Variants in C3orf49 observed in about 807,000 individuals in gnomAD.
The protein encoded by C3orf49 is putative uncharacterized protein C3orf49.
C3orf49 carries 27 observed loss-of-function variants against 13.3 expected under a neutral mutation model. The observed-to-expected ratio is 2.02, with a 90% CI of 1.49 to 2.79. C3orf49 has a LOEUF of 2.79. Ranked by LOEUF, C3orf49 falls within the 30% of genes most tolerant of loss-of-function variation. C3orf49 has a pLI of 0.00. For missense variants in C3orf49, 242 were observed against 134.2 expected, an observed-to-expected ratio of 1.80 and a Z score of -3.97; for synonymous variants, 87 against 47.6, an observed-to-expected ratio of 1.83 and a Z score of -3.40.
the C3orf49 span, among the ~76,000 whole-genome samples, chr3:63,794,505 G>A: frequency 6.6e-6 from 1 of 151,880 alleles, no homozygotes; most frequent in Non-Finnish European, 1.5e-5. Flanking sequence ...TCCCTGCTCT[G>A]CTTTTTAGGA....
chr3:63,838,271 T>C, intron 5 of C3orf49: 1 of 967,718 alleles, frequency 1.0e-6, no homozygotes, highest in Non-Finnish European at 1.5e-6. Flanking sequence ...AATACAGTAA[T>C]TGTTATTATT....
chr3:63,819,845 A>C (rs1468140834), intron 1 of C3orf49, among the ~76,000 whole-genome samples: 2 of 152,190 alleles, frequency 1.3e-5, no homozygotes, highest in Admixed American at 6.5e-5. Flanking sequence ...AGGAGACTAA[A>C]ATAAGTTCTG....
At chr3:63,787,170 C>A in the C3orf49 span, 1 of 152,170 alleles carries the variant, frequency 6.6e-6, no homozygotes, top group Admixed American at 6.5e-5. Flanking sequence ...TCATACCATC[C>A]ATTTCCATAT....
intron 5 of C3orf49, among the ~76,000 whole-genome samples, chr3:63,840,824 T>G (rs376490713): frequency 6.6e-6 from 1 of 152,230 alleles, no homozygotes; most frequent in Non-Finnish European, 1.5e-5. Flanking sequence ...AAAACTGCAC[T>G]TTTATACACT....
chr3:63,784,745 C>T, the C3orf49 span: 1 of 152,158 alleles, frequency 6.6e-6, no homozygotes, highest in African/African-American at 2.4e-5. Flanking sequence ...AATCTCCCAG[C>T]TACTCAGGAG....
At chr3:63,823,798 GTGT>G (rs1444390482) in intron 2 of C3orf49, among the ~76,000 whole-genome samples, 1 of 149,080 alleles carries the variant, frequency 6.7e-6, no homozygotes, top group Non-Finnish European at 1.5e-5. Flanking sequence ...GTGTGTGTGT[GTGT>G]GTGTGTGTGT....
chr3:63,785,438 G>C, the C3orf49 span, among the ~76,000 whole-genome samples: 1 of 151,986 alleles, frequency 6.6e-6, no homozygotes, highest in Non-Finnish European at 1.5e-5. Flanking sequence ...TTTCATAATA[G>C]AAAAGAATAT....
Position 63,848,571 on chromosome 3 carries a change from T to A in C3orf49, c.*238T>A, listed in dbSNP as rs541698895. The A allele has an allele frequency of 1.3e-5, 2 of 152,354 alleles. No individual in the cohort carries two copies. The highest frequency in any genetic ancestry group is 3.9e-4 in the East Asian group (2 of 5,180). The allele number at this position is 152,354 out of a possible 1,614,324, so 9.4% of individuals were successfully genotyped here. On this transcript the variant is annotated 3_prime_UTR_variant, in exon 7 of 7. Transcript: ENST00000295896. ...CTGTAATTCAACCACCTTCGGCACATCTCAGGACCTCCTGATGCTGTGGCA... is the reference window on the plus strand; with the variant it reads ...CTGTAATTCAACCACCTTCGGCACAACTCAGGACCTCCTGATGCTGTGGCA...
chr3:63,780,986 T>G, the C3orf49 span, among the ~76,000 whole-genome samples: 2 of 151,690 alleles, frequency 1.3e-5, no homozygotes, highest in Non-Finnish European at 2.9e-5. Context: ...AGAAGCTCTT[T>G]AGTTTAATTA....
chr3:63,824,747 G>A lies in C3orf49; in HGVS notation c.445+1178G>A, dbSNP rs148595798. 6.8e-5 allele frequency among the ~76,000 whole-genome samples: 10 copies of A among 146,986 alleles called. No homozygotes were observed. The East Asian group carries it at 1.6e-3, about 24-fold the overall frequency. On this transcript the variant is annotated intron_variant, in intron 2 of 6. Transcript: ENST00000295896. ...CCCTACTAGGGAAGCTGAAGTGGGC[G>A]AATCGCTTGAATCTGGGAGTCGGAG...
At chr3:63,846,248 A>C (rs1701892204) in intron 6 of C3orf49, 1 of 447,890 alleles carries the variant, frequency 2.2e-6, no homozygotes, top group South Asian at 1.6e-5. Context: ...GTTTCCTTAT[A>C]AGAGAATCGT....
chr3:63,805,701 A>G, the C3orf49 span, among the ~76,000 whole-genome samples: 1 of 152,220 alleles, frequency 6.6e-6, no homozygotes, highest in Non-Finnish European at 1.5e-5. Context: ...ATCTTATAAA[A>G]CGAGCAGTAA....
At chr3:63,787,347 C>G in the C3orf49 span, 2 of 152,062 alleles carry the variant, frequency 1.3e-5, no homozygotes, top group Non-Finnish European at 2.9e-5. Flanking sequence ...GTTAAATTAC[C>G]TGAGAGCACT....
the C3orf49 span, among the ~76,000 whole-genome samples, chr3:63,793,935 G>A: frequency 4.6e-5 from 7 of 152,158 alleles, no homozygotes; most frequent in Middle Eastern, 0.01. Flanking sequence ...CAGGACAATC[G>A]CTTGAGCCCA....
At chr3:63,781,420 A>G in the C3orf49 span, among the ~76,000 whole-genome samples, 5 of 152,080 alleles carry the variant, frequency 3.3e-5, no homozygotes, top group Middle Eastern at 3.2e-3. Context: ...AAGTCAGGTA[A>G]CGTGATGCCT....
At chr3:63,789,915 C>T in the C3orf49 span, among the ~76,000 whole-genome samples, 3 of 151,604 alleles carry the variant, frequency 2.0e-5, no homozygotes, top group Non-Finnish European at 4.4e-5. Flanking sequence ...CTTTCCTCCA[C>T]AGTATATTAG....
the C3orf49 span, among the ~76,000 whole-genome samples, chr3:63,786,508 G>C: frequency 6.6e-6 from 1 of 152,146 alleles, no homozygotes; most frequent in African/African-American, 2.4e-5. Context: ...TTGTTTGCTT[G>C]TTGATGGAAA....
At chr3:63,809,075 A>G in the C3orf49 span, among the ~76,000 whole-genome samples, 2 of 152,188 alleles carry the variant, frequency 1.3e-5, no homozygotes, top group South Asian at 2.1e-4. Flanking sequence ...TATTTTCACC[A>G]TCCTCTTTCC....
At chr3:63,802,360 T>A in the C3orf49 span, among the ~76,000 whole-genome samples, 1 of 152,178 alleles carries the variant, frequency 6.6e-6, no homozygotes, top group Admixed American at 6.6e-5. Flanking sequence ...GGAAAGAAGT[T>A]CAGAAAAGGA....
Sources: allele counts gnomAD v4.1 joint callset (sites outside exome capture counted in the v4.1 genomes callset), GRCh38; gene constraint gnomAD v4.1.1; transcripts MANE v1.5; gene names NCBI Gene and HGNC (gene_info 2026-07-23, HGNC 2026-07-21).